The following HMGB2 variants were observed in gnomAD, a reference collection of about 807,000 sequenced individuals.
The protein encoded by HMGB2 is high mobility group box 2, also known as high mobility group protein B2.
Under a neutral mutation model 23.0 loss-of-function variants are expected in HMGB2, and 2 were observed. The ratio of observed to expected loss-of-function variants is 0.09; its 90% CI spans 0.04 to 0.27. The LOEUF is 0.27. Ranked by LOEUF, HMGB2 falls within the 10% of genes least tolerant of loss-of-function variation. The probability of loss-of-function intolerance (pLI) is 1.00; values close to 1 mark genes in which losing one functional copy is unlikely to be tolerated. For missense variants in HMGB2, 178 were observed against 256.5 expected (o/e 0.69, Z 2.09); for synonymous variants, 99 against 87.5 (o/e 1.13, Z -0.73).
chr4:173,333,587 C>G lies in HMGB2; in HGVS notation c.63G>C (p.Gln21His), dbSNP rs1290286128. The G allele has an allele frequency of 6.8e-6, 11 of 1,614,194 alleles. No homozygotes were observed. Among genetic ancestry groups the G allele is most frequent in the African/African-American group, 4.0e-5 (3 of 75,076 alleles). Residue 21 changes from glutamine (Q) to histidine (H), a missense_variant, in exon 2 of 5, where the codon CAG becomes CAC. This residue lies in a region of HMGB2 where 90 missense variants were observed against 114.4 expected (regional missense o/e 0.79). Transcript: ENST00000296503. The surrounding 1 kb of genome is among the most constrained non-coding windows in gnomAD (Gnocchi z 4.6). ...TCTTCTTGTGCTCTTCCCGGCAGGT[C>G]TGCACGAAGAAGGCGTACGAGGACA... ...GKMSSYAFFV[Q>H]TCREEHKKKH...
chr4:173,332,339 T>C (rs1738123559), intron 4 of HMGB2, 101 bp from the exon 5 acceptor site: 1 of 879,984 alleles, frequency 1.1e-6, no homozygotes. Context: ...ATAACCCTAA[T>C]AACTGTCTAA....
rs111498871 is a variant in HMGB2 at position 173,331,958 on chromosome 4, CA to C, written c.*121del. 0.028 allele frequency: 39,466 copies of C among 1,385,564 alleles called. 1,199 individuals carry two copies. The highest frequency in any genetic ancestry group is 0.15 in the African/African-American group (10,039 of 67,438). 85.8% of individuals were successfully genotyped at this position (1,385,564 alleles called of 1,614,324 possible). A position where few individuals can be genotyped will look rare whatever the true frequency, so the allele number is the denominator to read the frequency against. ...TCTACAGAGAATCTTATCAGCTATACAAAAATCTGTACAGTTTTTATACTGA... is the reference window on the plus strand; with the variant it reads ...TCTACAGAGAATCTTATCAGCTATACAAAATCTGTACAGTTTTTATACTGA... On this transcript the variant is annotated 3_prime_UTR_variant, in exon 5 of 5. Coordinates refer to ENST00000296503, the MANE Select transcript of HMGB2 (RefSeq NM_002129.4).
At position 173,331,394 on chromosome 4, in the gene HMGB2, A is replaced by ATATATATATATATATG. The variant is rs33987506; in HGVS notation, c.*685_*686insCATATATATATATATA. On this transcript the variant is annotated 3_prime_UTR_variant, in exon 5 of 5. Transcript: ENST00000296503. ...TATATACATATATATATATATATAT[A>ATATATATATATATATG]TGTATATATATATACACACACCTGA... 1.1e-3 allele frequency among the ~76,000 whole-genome samples: 151 copies of ATATATATATATATATG among 138,800 alleles called. 2 individuals are homozygous for ATATATATATATATATG. Among genetic ancestry groups the ATATATATATATATATG allele is most frequent in the African/African-American group, 3.7e-3 (128 of 34,340 alleles). 91.1% of individuals were successfully genotyped at this position (138,800 alleles called of 152,430 possible).
In HMGB2 at chr4:173,332,213, C is replaced by T; in HGVS notation, c.497G>A (p.Gly166Asp). 6.2e-7 allele frequency: 1 copy of T among 1,602,054 alleles called. No homozygotes were observed. Among genetic ancestry groups the T allele is most frequent in the Non-Finnish European group, 8.5e-7 (1 of 1,174,856 alleles). ...GCCCTTCTTTCCTGCTTCACTTTTGCCCTTGGCACGATATGCAGCAATATC... is the reference window on the plus strand; with the variant it reads ...GCCCTTCTTTCCTGCTTCACTTTTGTCCTTGGCACGATATGCAGCAATATC... ...EKDIAAYRAK[G>D]KSEAGKKGPG... Residue 166 changes from glycine to aspartate, a missense_variant, in exon 5 of 5, where the codon GGC becomes GAC. Transcript: ENST00000296503.
At chr4:173,332,670 T>G (rs1437187287) in intron 4 of HMGB2, 151 bp downstream of exon 4, 1 of 701,296 alleles carries the variant, frequency 1.4e-6, no homozygotes, top group African/African-American at 1.8e-5. Context: ...AAGGTTTCAA[T>G]TACCTTGTGT....
At position 173,333,725 on chromosome 4, in the gene HMGB2, C is replaced by A. The variant is rs938143674; in HGVS notation, c.-20-56G>T. Reference sequence around the variant, plus strand: ...CGGAGGGTCGGCGCGGAGCCCGCAGCTGCCAGGGCGGGCGCTGGCGGGGCT... The same window carrying A: ...CGGAGGGTCGGCGCGGAGCCCGCAGATGCCAGGGCGGGCGCTGGCGGGGCT... On this transcript the variant is annotated intron_variant, in intron 1 of 4. Transcript: ENST00000296503. The surrounding 1 kb of genome is among the most constrained non-coding windows in gnomAD (Gnocchi z 4.6). 30 of 1,388,968 alleles carry A rather than the reference C, an allele frequency of 2.2e-5. No homozygotes were observed. The African/African-American group carries it at 4.3e-4, about 20-fold the overall frequency. 86.0% of individuals were successfully genotyped at this position (1,388,968 alleles called of 1,614,324 possible).
Position 173,334,254 on chromosome 4 carries a change from A to T in HMGB2, c.-21+18T>A, listed in dbSNP as rs1738195079. The T allele has an allele frequency of 6.6e-6, 1 of 152,138 alleles. No individual in the cohort carries two copies. The highest frequency in any genetic ancestry group is 1.5e-5 in the Non-Finnish European group (1 of 68,094). 9.4% of individuals were successfully genotyped at this position (152,138 alleles called of 1,614,324 possible). On this transcript the variant is annotated intron_variant, in intron 1 of 4. Coordinates refer to ENST00000296503, the MANE Select transcript of HMGB2 (RefSeq NM_002129.4). ...AAGGCAGGTCCACGAACCCGAGGGT[A>T]TTGGAGGGTATTCTTGCCTGGTGCG... is the stretch of plus-strand genomic sequence containing the variant.
intron 4 of HMGB2, 158 bp downstream of exon 4, chr4:173,332,663 G>T: frequency 1.5e-6 from 1 of 674,614 alleles, no homozygotes; most frequent in Non-Finnish European, 2.6e-6. Flanking sequence ...CAAAAGGAAG[G>T]TTTCAATTAC....
rs746858128 is a variant in HMGB2 at position 173,332,107 on chromosome 4, CTCATCT to C, written c.597_602del (p.Asp200_Glu201del). ...ATTCTTCATCTTCATCCTCTTCCTC[CTCATCT>C]TCATCTTCTTCTTCCTCCTCCTCCT... is the stretch of plus-strand genomic sequence containing the variant. On this transcript the variant is annotated inframe_deletion, in exon 5 of 5. Coordinates refer to ENST00000296503, the MANE Select transcript of HMGB2 (RefSeq NM_002129.4). 67 of 1,611,468 alleles carry C rather than the reference CTCATCT, an allele frequency of 4.2e-5. No individual in the cohort carries two copies. Among genetic ancestry groups the C allele is most frequent in the African/African-American group, 6.7e-5 (5 of 74,944 alleles).
chr4:173,333,726 T>TG lies in HMGB2; in HGVS notation c.-20-58dup. 1 of 1,377,214 alleles carries TG rather than the reference T, an allele frequency of 7.3e-7. No homozygotes were observed. Among genetic ancestry groups the TG allele is most frequent in the East Asian group, 2.6e-5 (1 of 38,054 alleles). The allele number at this position is 1,377,214 out of a possible 1,614,324, so 85.3% of individuals were successfully genotyped here. A position where few individuals can be genotyped will look rare whatever the true frequency, so the allele number is the denominator to read the frequency against. ...GGAGGGTCGGCGCGGAGCCCGCAGCTGCCAGGGCGGGCGCTGGCGGGGCTC... is the reference window on the plus strand; with the variant it reads ...GGAGGGTCGGCGCGGAGCCCGCAGCTGGCCAGGGCGGGCGCTGGCGGGGCTC... On this transcript the variant is annotated intron_variant, in intron 1 of 4. Coordinates refer to ENST00000296503, the MANE Select transcript of HMGB2 (RefSeq NM_002129.4). The surrounding 1 kb of genome is among the most constrained non-coding windows in gnomAD (Gnocchi z 4.6).
Position 173,333,043 on chromosome 4 carries a change from A to G in HMGB2, c.296+26T>C. On this transcript the variant is annotated intron_variant, in intron 3 of 4. Transcript: ENST00000296503. The surrounding 1 kb of genome is among the most constrained non-coding windows in gnomAD (Gnocchi z 4.6). The stretch of plus-strand genomic sequence containing the variant: ...AATAAACTGAAGGAAAAATCCAAGG[A>G]GCAATTTGGGTTATTTTAAACTTAC... The G allele has an allele frequency of 6.2e-7, 1 of 1,612,604 alleles. No homozygotes were observed. The highest frequency in any genetic ancestry group is 1.7e-5 in the Admixed American group (1 of 59,836).
chr4:173,333,234 G>A lies in HMGB2; in HGVS notation c.151-20C>T, dbSNP rs1343913754. ...CATGGTCTGTGGACATAAAATAAGAGCCAAAAATACAGCAAAATTGTTACC... is the reference window on the plus strand; with the variant it reads ...CATGGTCTGTGGACATAAAATAAGAACCAAAAATACAGCAAAATTGTTACC... On this transcript the variant is annotated intron_variant, in intron 2 of 4. Transcript: ENST00000296503. The surrounding 1 kb of genome is among the most constrained non-coding windows in gnomAD (Gnocchi z 4.6). The A allele has an allele frequency of 3.1e-6, 5 of 1,600,270 alleles. No individual in the cohort carries two copies. Among genetic ancestry groups the A allele is most frequent in the Admixed American group, 1.8e-5 (1 of 56,106 alleles).
rs1231551922 is a variant in HMGB2, at chr4:173,333,228, A to AT, written c.151-15dup. On this transcript the variant is annotated splice_polypyrimidine_tract_variant and intron_variant, in intron 2 of 4. Coordinates refer to ENST00000296503, the MANE Select transcript of HMGB2 (RefSeq NM_002129.4). This position sits in a 1 kb window ranked among gnomAD's most constrained non-coding sequence, Gnocchi z 4.6. The stretch of plus-strand genomic sequence containing the variant: ...TGCAGACATGGTCTGTGGACATAAA[A>AT]TAAGAGCCAAAAATACAGCAAAATT... 1 of 1,604,172 alleles carries AT rather than the reference A, an allele frequency of 6.2e-7. No homozygotes were observed. The highest frequency in any genetic ancestry group is 1.4e-5 in the African/African-American group (1 of 74,048).
chr4:173,334,309 C>T lies in HMGB2; in HGVS notation c.-58G>A, dbSNP rs962574455. 5 of 152,394 alleles carry T rather than the reference C, an allele frequency of 3.3e-5. No individual in the cohort carries two copies. Among genetic ancestry groups the T allele is most frequent in the African/African-American group, 1.2e-4 (5 of 41,462 alleles). The allele number at this position is 152,394 out of a possible 1,614,324, so 9.4% of individuals were successfully genotyped here. A position where few individuals can be genotyped will look rare whatever the true frequency, so the allele number is the denominator to read the frequency against. On this transcript the variant is annotated 5_prime_UTR_variant, in exon 1 of 5. Coordinates refer to ENST00000296503, the MANE Select transcript of HMGB2 (RefSeq NM_002129.4). ...TTTCCTCAGAGTCCCGCAGAGCGGC[C>T]GGACCCAACGGAGACGCTTCCCTCA...
At chr4:173,332,551 C>G (rs200641888) in intron 4 of HMGB2, 1 of 462,378 alleles carries the variant, frequency 2.2e-6, no homozygotes, top group East Asian at 3.5e-5. Context: ...TGACTCTCTG[C>G]TTAAAAAAAA....
In HMGB2 at chr4:173,332,018, T is replaced by C; in HGVS notation, c.*62A>G. 6.2e-7 allele frequency: 1 copy of C among 1,603,992 alleles called. No homozygotes were observed. Among genetic ancestry groups the C allele is most frequent in the East Asian group, 2.2e-5 (1 of 44,728 alleles). On this transcript the variant is annotated 3_prime_UTR_variant, in exon 5 of 5. Coordinates refer to ENST00000296503, the MANE Select transcript of HMGB2 (RefSeq NM_002129.4). Reference sequence around the variant, plus strand: ...TTGAGCTGCACTTGAATTCACATTCTTAGCAAAATAATTGCCTGAGCACAC... The same window carrying C: ...TTGAGCTGCACTTGAATTCACATTCCTAGCAAAATAATTGCCTGAGCACAC...
In HMGB2 at chr4:173,331,376, A is replaced by ATG. The variant is rs1553961327; in HGVS notation, c.*703_*704insCA. Among the ~76,000 whole-genome samples the ATG allele has an allele frequency of 1.5e-4, 1 of 6,554 alleles. No homozygotes were observed. Among genetic ancestry groups the ATG allele is most frequent in the South Asian group, 8.6e-3 (1 of 116 alleles). The allele number at this position is 6,554 out of a possible 152,430, so 4.3% of individuals were successfully genotyped here. A position where few individuals can be genotyped will look rare whatever the true frequency, so the allele number is the denominator to read the frequency against. On this transcript the variant is annotated 3_prime_UTR_variant, in exon 5 of 5. Transcript: ENST00000296503. Reference sequence around the variant, plus strand: ...TACGTATATATGTGTATATATATACATATATATATATATATATATGTATAT... The same window carrying ATG: ...TACGTATATATGTGTATATATATACATGTATATATATATATATATATGTATAT...
Position 173,333,164 on chromosome 4 carries a change from G to A in HMGB2, c.201C>T (p.Asp67=), listed in dbSNP as rs1738151502. The change falls in exon 3 of 5, where the codon GAC becomes GAT. Residue 67 remains aspartate, a synonymous_variant. Transcript: ENST00000296503. The surrounding 1 kb of genome is among the most constrained non-coding windows in gnomAD (Gnocchi z 4.6). ...TCATCTCCCTGTCATAGCGAGCTTT[G>A]TCACTTTTTGCCATATCTTCAAACT... The part of the protein sequence containing the change: ...KSKFEDMAKS[D]KARYDREMKN... The A allele has an allele frequency of 6.2e-7, 1 of 1,614,030 alleles. No homozygotes were observed. The highest frequency in any genetic ancestry group is 8.5e-7 in the Non-Finnish European group (1 of 1,179,992).
chr4:173,332,642 C>T (rs994189299), intron 4 of HMGB2, 179 bp downstream of exon 4: 3 of 607,116 alleles, frequency 4.9e-6, no homozygotes, highest in Non-Finnish European at 8.8e-6. Flanking sequence ...GCTACAAACA[C>T]TGGTTTCAGT....
Sources: gnomAD v4.1 joint callset for allele counts (sites outside exome capture counted in the v4.1 genomes callset) on GRCh38, gnomAD v4.1.1 for gene constraint, gnomAD v4.1.1 regional missense constraint, Gnocchi (gnomAD v3.1) non-coding constraint, MANE v1.5 for transcripts, NCBI Gene and HGNC (gene_info 2026-07-23, HGNC 2026-07-21) for gene names.